Variants in KLHL1 observed in about 807,000 individuals in gnomAD.
KLHL1 encodes kelch like family member 1, also known as kelch-like protein 1.
In KLHL1, 47 loss-of-function variants were observed where a neutral mutation model predicts 77.7. The ratio of observed to expected loss-of-function variants is 0.60; its 90% CI spans 0.48 to 0.77. KLHL1 has a LOEUF of 0.77. KLHL1 is among the 30% of genes least tolerant of loss of function. The pLI, the probability that KLHL1 is intolerant of heterozygous loss-of-function variation, is 0.00. For missense variants in KLHL1, 925 were observed against 910.8 expected (o/e 1.02, Z -0.20); for synonymous variants, 360 against 325.2 (o/e 1.11, Z -1.15).
chr13:69,833,747 G>GTATA (rs71196266), intron 6 of KLHL1, among the ~76,000 whole-genome samples: 2,379 of 142,308 alleles, frequency 0.017, 53 homozygotes, highest in African/African-American at 0.051. Flanking sequence ...AGAAATAATG[G>GTATA]TATATATATA....
intron 1 of KLHL1, among the ~76,000 whole-genome samples, chr13:70,046,954 G>A (rs908140546): frequency 2.6e-5 from 4 of 152,132 alleles, no homozygotes. Context: ...TAGGTTACAT[G>A]GACTGCTTTT....
rs992485183 is a variant in KLHL1, at chr13:69,848,869, A to G, written c.1228-9707T>C. Among the ~76,000 whole-genome samples, 3 of 151,590 alleles carry G rather than the reference A, an allele frequency of 2.0e-5. No individual in the cohort carries two copies. The Admixed American group carries it at 2.0e-4, about 10-fold the overall frequency. ...AATCAAAATAAGTAGAGCTCACAAA[A>G]TTAACCGAAATGAAAGTTCTTATTA... On this transcript the variant is annotated intron_variant, in intron 5 of 10. Coordinates refer to ENST00000377844, the MANE Select transcript of KLHL1 (RefSeq NM_020866.3).
chr13:69,831,291 A>G lies in KLHL1; in HGVS notation c.1414+7685T>C, dbSNP rs189227454. On this transcript the variant is annotated intron_variant, in intron 6 of 10. Transcript: ENST00000377844. ...TTACAACTGATAACACAGAAATAGA[A>G]AAGATCAGACAGGACTACTATGATC... Among the ~76,000 whole-genome samples the G allele has an allele frequency of 2.0e-5, 3 of 150,154 alleles. 1 individual carries two copies. The East Asian group carries it at 5.8e-4, about 29-fold the overall frequency.
intron 1 of KLHL1, among the ~76,000 whole-genome samples, chr13:70,019,107 G>A (rs1885727579): frequency 6.6e-6 from 1 of 152,160 alleles, no homozygotes; most frequent in African/African-American, 2.4e-5. Flanking sequence ...ATACTTGAGT[G>A]TAGATCATTC....
At chr13:69,949,394 T>C (rs1883633211) in intron 3 of KLHL1, among the ~76,000 whole-genome samples, 1 of 151,782 alleles carries the variant, frequency 6.6e-6, no homozygotes, top group Non-Finnish European at 1.5e-5. Context: ...TCGATTGATA[T>C]TTTGCTGATT....
At chr13:69,776,399 A>G (rs1366236900) in intron 7 of KLHL1, among the ~76,000 whole-genome samples, 3 of 152,220 alleles carry the variant, frequency 2.0e-5, no homozygotes, top group Non-Finnish European at 4.4e-5. Context: ...CTTTGCCACT[A>G]ATGAGCTGTA....
chr13:69,713,179 A>G (rs541069229), intron 9 of KLHL1, among the ~76,000 whole-genome samples: 22 of 152,232 alleles, frequency 1.4e-4, no homozygotes, highest in African/African-American at 4.8e-4. Flanking sequence ...TATTAATTCA[A>G]TCTAACAGTT....
intron 4 of KLHL1, among the ~76,000 whole-genome samples, chr13:69,900,899 C>T (rs1378337338): frequency 6.6e-6 from 1 of 152,184 alleles, no homozygotes; most frequent in African/African-American, 2.4e-5. Flanking sequence ...GGTTTCCCTA[C>T]TTCCTGTCCT....
rs1025906099 is a variant in KLHL1 at position 69,851,925 on chromosome 13, A to C, written c.1228-12763T>G. ...TAGTTTGTAGAAATAACTGCATTTCAATACTTGAAATTATTACTTGAAATT... is the reference window on the plus strand; with the variant it reads ...TAGTTTGTAGAAATAACTGCATTTCCATACTTGAAATTATTACTTGAAATT... On this transcript the variant is annotated intron_variant, in intron 5 of 10. Coordinates refer to ENST00000377844, the MANE Select transcript of KLHL1 (RefSeq NM_020866.3). Among the ~76,000 whole-genome samples the C allele has an allele frequency of 8.6e-5, 13 of 152,038 alleles. No homozygotes were observed. In the South Asian group the frequency reaches 2.3e-3, roughly 27 times the overall value.
intron 5 of KLHL1, among the ~76,000 whole-genome samples, chr13:69,868,991 A>T (rs188359566): frequency 6.6e-6 from 1 of 152,292 alleles, no homozygotes; most frequent in Admixed American, 6.5e-5. Flanking sequence ...TCACTTTTTA[A>T]TTATGAAAAA....
At chr13:69,891,973 A>G (rs2138210430) in intron 4 of KLHL1, among the ~76,000 whole-genome samples, 1 of 152,206 alleles carries the variant, frequency 6.6e-6, no homozygotes, top group Non-Finnish European at 1.5e-5. Context: ...AAACTAACAA[A>G]TTTCTCAAAT....
intron 9 of KLHL1, among the ~76,000 whole-genome samples, chr13:69,714,605 A>C (rs192504398): frequency 2.0e-5 from 3 of 151,576 alleles, no homozygotes; most frequent in African/African-American, 7.3e-5. Context: ...TTATTTATAT[A>C]TTTTTTGAGA....
chr13:69,902,977 T>C lies in KLHL1; in HGVS notation c.1015-20482A>G, dbSNP rs1011340498. On this transcript the variant is annotated intron_variant, in intron 4 of 10. Transcript: ENST00000377844. ...ATATATAATGAAAAAGTATGTATGA[T>C]TGCTTGTTAAATATTTCCAATATAG... Among the ~76,000 whole-genome samples the C allele has an allele frequency of 3.9e-5, 6 of 152,168 alleles. 1 individual carries two copies. In the South Asian group the frequency reaches 6.2e-4, roughly 16 times the overall value.
intron 6 of KLHL1, among the ~76,000 whole-genome samples, chr13:69,811,681 A>G (rs1471235515): frequency 2.6e-5 from 4 of 152,138 alleles, no homozygotes; most frequent in Admixed American, 6.6e-5. Flanking sequence ...AAAAAAAGTC[A>G]TGTTATCTCT....
At chr13:70,057,762 G>A (rs562480293) in intron 1 of KLHL1, among the ~76,000 whole-genome samples, 6 of 105,612 alleles carry the variant, frequency 5.7e-5, no homozygotes, top group South Asian at 3.5e-4. Context: ...CGGCCTGGGC[G>A]ACAGAGCGAG....
intron 7 of KLHL1, among the ~76,000 whole-genome samples, chr13:69,764,795 T>TA (rs1341937897): frequency 6.6e-6 from 1 of 151,990 alleles, no homozygotes; most frequent in Non-Finnish European, 1.5e-5. Context: ...ACATGCACAT[T>TA]AAAAAAGTAT....
At chr13:70,037,165 A>G (rs576632448) in intron 1 of KLHL1, among the ~76,000 whole-genome samples, 2 of 152,020 alleles carry the variant, frequency 1.3e-5, no homozygotes, top group East Asian at 1.9e-4. Context: ...TACATTTTTC[A>G]TCTCAGGATT....
intron 7 of KLHL1, among the ~76,000 whole-genome samples, chr13:69,758,728 A>G (rs985576759): frequency 2.0e-5 from 3 of 152,070 alleles, no homozygotes; most frequent in African/African-American, 7.2e-5. Flanking sequence ...TAAGAAAGCT[A>G]TTTCCTCAAT....
At chr13:69,986,908 A>G (rs1209790684) in intron 1 of KLHL1, among the ~76,000 whole-genome samples, 1 of 151,948 alleles carries the variant, frequency 6.6e-6, no homozygotes, top group Non-Finnish European at 1.5e-5. Flanking sequence ...GATTATTGTA[A>G]TAGTGATATT....
Sources: allele counts gnomAD v4.1 joint callset (sites outside exome capture counted in the v4.1 genomes callset), GRCh38; gene constraint gnomAD v4.1.1; transcripts MANE v1.5; gene names NCBI Gene and HGNC (gene_info 2026-07-23, HGNC 2026-07-21).